The following ASTN2 variants were observed in gnomAD, a reference collection of about 807,000 sequenced individuals.
ASTN2 encodes astrotactin 2, also known as astrotactin-2.
A neutral mutation model predicts 139.8 loss-of-function variants in ASTN2; 54 were observed. The ratio of observed to expected loss-of-function variants is 0.39; its 90% confidence interval spans 0.31 to 0.48. The LOEUF is 0.48. ASTN2 is among the 20% of genes least tolerant of loss of function. ASTN2 has a pLI of 0.95. For missense variants in ASTN2, 1,565 were observed against 1,725.1 expected (o/e 0.91, Z 1.64); for synonymous variants, 756 against 719.5 (o/e 1.05, Z -0.81).
chr9:116,542,576 T>C (rs1047703502), intron 19 of ASTN2, among the ~76,000 whole-genome samples: 3 of 152,194 alleles, frequency 2.0e-5, no homozygotes, highest in African/African-American at 7.2e-5. Context: ...AGATTACATT[T>C]TGGAGTTACA....
rs926947259 is a variant in ASTN2 at position 116,423,424 on chromosome 9, G to A, written c.*2427C>T. Among the ~76,000 whole-genome samples the A allele has an allele frequency of 1.3e-5, 2 of 152,072 alleles. No homozygotes were observed. The highest frequency in any genetic ancestry group is 2.9e-5 in the Non-Finnish European group (2 of 68,012). ...TGTTGTCAGATTCAAACTTAATCAG[G>A]CTCAGATCACCACACCAGCACATTG... On this transcript the variant is annotated 3_prime_UTR_variant, in exon 23 of 23. Transcript: ENST00000313400.
intron 5 of ASTN2, among the ~76,000 whole-genome samples, chr9:117,063,502 C>T (rs150545234): frequency 2.6e-5 from 4 of 152,188 alleles, no homozygotes; most frequent in Admixed American, 6.5e-5. Context: ...CAATATAAGA[C>T]GTGCCTTTCA....
At chr9:116,623,941 T>G (rs1237337650) in intron 17 of ASTN2, among the ~76,000 whole-genome samples, 1 of 152,150 alleles carries the variant, frequency 6.6e-6, no homozygotes, top group Admixed American at 6.5e-5. Flanking sequence ...TGTCTCTGTG[T>G]GTTTGAGAGA....
rs554934301 is a variant in ASTN2, at chr9:116,969,203, C to T, written c.1889+6005G>A. Among the ~76,000 whole-genome samples, 4 of 152,294 alleles carry T rather than the reference C, an allele frequency of 2.6e-5. No individual in the cohort carries two copies. In the East Asian group the frequency reaches 7.7e-4, roughly 29 times the overall value. ...GATCCCAAAATAGGCCAAAGAGAGG[C>T]ACCATAGCTTAGAGATGAGGAACAT... On this transcript the variant is annotated intron_variant, in intron 10 of 22. Transcript: ENST00000313400.
intron 1 of ASTN2, among the ~76,000 whole-genome samples, chr9:117,312,689 CAA>C (rs1254887819): frequency 6.6e-6 from 1 of 152,116 alleles, no homozygotes; most frequent in South Asian, 2.1e-4. Context: ...GTCATCAGGA[CAA>C]AAACTCAGGG....
intron 12 of ASTN2, among the ~76,000 whole-genome samples, chr9:116,807,636 CG>C (rs1433787772): frequency 2.6e-5 from 4 of 152,054 alleles, no homozygotes; most frequent in African/African-American, 7.2e-5. Flanking sequence ...GGAAGTGAAT[CG>C]TACATGGTGA....
chr9:116,945,524 A>G (rs114974081), intron 10 of ASTN2, among the ~76,000 whole-genome samples: 2,798 of 152,130 alleles, frequency 0.018, 91 homozygotes, highest in African/African-American at 0.064. Flanking sequence ...TCATACATTC[A>G]TTGCCTTTTA....
intron 2 of ASTN2, among the ~76,000 whole-genome samples, chr9:117,267,658 C>T (rs1381090451): frequency 6.6e-6 from 1 of 152,236 alleles, no homozygotes; most frequent in East Asian, 1.9e-4. Context: ...AAAAAAATTC[C>T]TCCTCCCAAT....
intron 13 of ASTN2, among the ~76,000 whole-genome samples, chr9:116,779,848 C>T (rs938845268): frequency 6.6e-6 from 1 of 152,066 alleles, no homozygotes; most frequent in African/African-American, 2.4e-5. Context: ...TTTTTAAATT[C>T]CCCCCTGGTC....
intron 3 of ASTN2, among the ~76,000 whole-genome samples, chr9:117,207,719 G>T (rs2133006694): frequency 6.6e-6 from 1 of 152,242 alleles, no homozygotes; most frequent in African/African-American, 2.4e-5. Context: ...ACGTGCCCTT[G>T]CTCCTGGCCA....
intron 13 of ASTN2, among the ~76,000 whole-genome samples, chr9:116,743,798 A>G (rs893327486): frequency 3.3e-5 from 5 of 152,148 alleles, no homozygotes; most frequent in African/African-American, 9.7e-5. Context: ...CCACCGTACC[A>G]GGCAGAAACA....
At chr9:117,103,166 T>C (rs1026874850) in intron 4 of ASTN2, among the ~76,000 whole-genome samples, 3 of 152,174 alleles carry the variant, frequency 2.0e-5, no homozygotes, top group African/African-American at 7.2e-5. Context: ...TCAGGGCCCA[T>C]GCTGTCCCAA....
intron 20 of ASTN2, among the ~76,000 whole-genome samples, chr9:116,470,676 T>C (rs1848785572): frequency 1.3e-5 from 2 of 152,302 alleles, no homozygotes; most frequent in South Asian, 4.1e-4. Context: ...ACATGAACAC[T>C]CTTCACTGAA....
intron 17 of ASTN2, among the ~76,000 whole-genome samples, chr9:116,625,390 C>T (rs1196019101): frequency 2.6e-5 from 4 of 152,138 alleles, no homozygotes; most frequent in Middle Eastern, 3.4e-3. Context: ...GCTGAGATTG[C>T]GCTACTGCAC....
intron 7 of ASTN2, among the ~76,000 whole-genome samples, chr9:117,003,996 G>T (rs1457145875): frequency 6.9e-6 from 1 of 144,184 alleles, no homozygotes; most frequent in Non-Finnish European, 1.5e-5. Flanking sequence ...TTGGGGTACT[G>T]GTTAGGGTGG....
At chr9:117,141,522 C>T (rs369046701) in intron 3 of ASTN2, 44 bp from the exon 4 acceptor site, 5 of 1,347,144 alleles carry the variant, frequency 3.7e-6, no homozygotes, top group African/African-American at 1.5e-5. Flanking sequence ...TGAGCCCACC[C>T]TCAGCACCTA....
chr9:116,443,652 T>G (rs1257110763), intron 20 of ASTN2, among the ~76,000 whole-genome samples: 4 of 152,078 alleles, frequency 2.6e-5, no homozygotes, highest in Admixed American at 2.6e-4. Context: ...AAGCAAAGTC[T>G]AAGAAGGGAG....
rs1053784254 is a variant in ASTN2 at position 117,152,522 on chromosome 9, G to T, written c.1016-11044C>A. The stretch of plus-strand genomic sequence containing the variant: ...AGCTTCTGCTCATGGTCTTCTGTCT[G>T]CTCTCATATCTTGCTCTTTCATGCT... On this transcript the variant is annotated intron_variant, in intron 3 of 22. Transcript: ENST00000313400. Among the ~76,000 whole-genome samples, 9 of 152,116 alleles carry T rather than the reference G, an allele frequency of 5.9e-5. No homozygotes were observed. The East Asian group carries it at 1.2e-3, about 20-fold the overall frequency.
At chr9:116,919,520 C>G (rs887488425) in intron 10 of ASTN2, among the ~76,000 whole-genome samples, 3 of 152,140 alleles carry the variant, frequency 2.0e-5, no homozygotes, top group Non-Finnish European at 2.9e-5. Flanking sequence ...TGTCCCTTAA[C>G]TCCCTGAGTT....
Sources: allele counts gnomAD v4.1 joint callset (sites outside exome capture counted in the v4.1 genomes callset), GRCh38; gene constraint gnomAD v4.1.1; transcripts MANE v1.5; gene names NCBI Gene and HGNC (gene_info 2026-07-23, HGNC 2026-07-21).